The following AGFG2 variants were observed in gnomAD, a reference collection of about 807,000 sequenced individuals.
The protein encoded by AGFG2 is arf-GAP domain and FG repeat-containing protein 2.
AGFG2 carries 31 observed loss-of-function variants against 48.0 expected under a neutral mutation model. The ratio of observed to expected loss-of-function variants is 0.65; its 90% CI spans 0.49 to 0.87. The LOEUF is 0.87. Ranked by LOEUF, AGFG2 falls within the 40% of genes least tolerant of loss-of-function variation. The probability of loss-of-function intolerance (pLI) is 0.00; values close to 1 mark genes in which losing one functional copy is unlikely to be tolerated. For synonymous variants in AGFG2, 229 were observed against 260.8 expected, an observed-to-expected ratio of 0.88 and a Z score of 1.18; for missense variants, 599 against 632.6, an observed-to-expected ratio of 0.95 and a Z score of 0.57.
intron 3 of AGFG2, among the ~76,000 whole-genome samples, chr7:100,551,872 A>C (rs1163565954): frequency 8.4e-6 from 1 of 119,194 alleles, no homozygotes; most frequent in Admixed American, 8.8e-5. Flanking sequence ...GGGCAAAGAG[A>C]GAGAGACTGT....
At chr7:100,557,033 A>G (rs966199292) in intron 6 of AGFG2, among the ~76,000 whole-genome samples, 1 of 151,962 alleles carries the variant, frequency 6.6e-6, no homozygotes, top group Admixed American at 6.6e-5. Context: ...CACCGTCTCT[A>G]CTCAAAATAC....
intron 9 of AGFG2, among the ~76,000 whole-genome samples, chr7:100,563,609 C>T (rs1264768799): frequency 2.0e-5 from 3 of 152,200 alleles, no homozygotes; most frequent in Non-Finnish European, 2.9e-5. Context: ...GCACCGCGCC[C>T]GTGCCTGGAA....
chr7:100,561,724 C>G (rs2131123350), intron 6 of AGFG2, among the ~76,000 whole-genome samples: 1 of 152,346 alleles, frequency 6.6e-6, no homozygotes, highest in East Asian at 1.9e-4. Context: ...AACAGTGCCT[C>G]CAGGCTCAGG....
At chr7:100,546,534 G>C (rs1203033701) in intron 1 of AGFG2, among the ~76,000 whole-genome samples, 3 of 152,142 alleles carry the variant, frequency 2.0e-5, no homozygotes, top group Admixed American at 1.3e-4. Context: ...CAGGCTTCCT[G>C]GGTTCTTCTT....
Position 100,539,223 on chromosome 7 carries a change from G to C in AGFG2, c.-124G>C. 9.8e-7 allele frequency: 1 copy of C among 1,017,642 alleles called. No homozygotes were observed. Among genetic ancestry groups the C allele is most frequent in the Non-Finnish European group, 1.3e-6 (1 of 781,886 alleles). The allele number at this position is 1,017,642 out of a possible 1,614,324, so 63.0% of individuals were successfully genotyped here. ...AGGGTGGTGGACGGCGAAGTCTCCT[G>C]CGGATGCCGCCCGCTCCCGAGCTTC... is the stretch of plus-strand genomic sequence containing the variant. On this transcript the variant is annotated 5_prime_UTR_variant, in exon 1 of 12. Coordinates refer to ENST00000300176, the MANE Select transcript of AGFG2 (RefSeq NM_006076.5).
chr7:100,556,210 GA>G (rs1364948053), intron 6 of AGFG2: 1 of 200,254 alleles, frequency 5.0e-6, no homozygotes, highest in Admixed American at 5.3e-5. Context: ...AACACTTTGG[GA>G]GGCCGAGGTG....
Position 100,563,848 on chromosome 7 carries a change from A to G in AGFG2, c.1186A>G (p.Met396Val). 1.9e-6 allele frequency: 3 copies of G among 1,611,424 alleles called. No homozygotes were observed. The highest frequency in any genetic ancestry group is 2.5e-6 in the Non-Finnish European group (3 of 1,179,958). ...NGLAPGPGFG[M>V]SSAGPGFPQA... Reference sequence around the variant, plus strand: ...TCACTCCATAGGGCCCGGCTTTGGGATGAGCAGTGCTGGGCCTGGCTTCCC... The same window carrying G: ...TCACTCCATAGGGCCCGGCTTTGGGGTGAGCAGTGCTGGGCCTGGCTTCCC... Residue 396 changes from methionine (M) to valine (V), a missense_variant, in exon 10 of 12, where the codon ATG becomes GTG. Transcript: ENST00000300176.
chr7:100,556,541 CTT>C (rs1459671802), intron 6 of AGFG2: 1 of 1,276,818 alleles, frequency 7.8e-7, no homozygotes, highest in Non-Finnish European at 1.0e-6. Flanking sequence ...GACATACACT[CTT>C]TCTTTCTCCC....
intron 3 of AGFG2, 95 bp from the exon 4 acceptor site, chr7:100,553,252 A>G: frequency 6.8e-7 from 1 of 1,463,072 alleles, no homozygotes; most frequent in Non-Finnish European, 9.4e-7. Context: ...AAAAATGAGC[A>G]TAGATTTTGA....
chr7:100,565,904 T>C lies in AGFG2; in HGVS notation c.*913T>C, dbSNP rs980213897. 27 of 151,582 alleles carry C rather than the reference T, an allele frequency of 1.8e-4. No homozygotes were observed. Among genetic ancestry groups the C allele is most frequent in the Non-Finnish European group, 1.9e-4 (13 of 67,770 alleles). 9.4% of individuals were successfully genotyped at this position (151,582 alleles called of 1,614,324 possible). On this transcript the variant is annotated 3_prime_UTR_variant, in exon 12 of 12. Coordinates refer to ENST00000300176, the MANE Select transcript of AGFG2 (RefSeq NM_006076.5). ...ATTGCCTGGTCTTTTTTTTTTTTTT[T>C]TTTTCTCCATGTGCCTCCCTGTCCC... is the stretch of plus-strand genomic sequence containing the variant.
chr7:100,558,757 TG>T (rs1800809204), intron 6 of AGFG2, among the ~76,000 whole-genome samples: 1 of 152,044 alleles, frequency 6.6e-6, no homozygotes, highest in South Asian at 2.1e-4. Context: ...AGACAGTTTT[TG>T]GGGCAGACTC....
chr7:100,563,800 A>G (rs1346341956), intron 9 of AGFG2, 34 bp from the exon 10 acceptor site: 1 of 1,608,218 alleles, frequency 6.2e-7, no homozygotes, highest in Non-Finnish European at 8.5e-7. Context: ...ACCTTCCAGA[A>G]GTTCACCTGA....
intron 6 of AGFG2, among the ~76,000 whole-genome samples, chr7:100,558,545 GTTTTTTTT>G (rs36124305): frequency 7.4e-6 from 1 of 135,476 alleles, no homozygotes; most frequent in African/African-American, 2.7e-5. Flanking sequence ...TTTTGTTTTT[GTTTTTTTT>G]TTTTTTTAGA....
intron 1 of AGFG2, 107 bp downstream of exon 1, chr7:100,539,674 G>T: frequency 1.1e-6 from 1 of 935,808 alleles, no homozygotes; most frequent in Non-Finnish European, 1.4e-6. Context: ...GGTGAGGGGC[G>T]GAGGGGAGGT....
intron 5 of AGFG2, 80 bp downstream of exon 5, chr7:100,554,338 T>C (rs1048589222): frequency 6.6e-5 from 98 of 1,489,424 alleles, no homozygotes; most frequent in Non-Finnish European, 8.6e-5. Context: ...GAGGTAACCA[T>C]GGCTCTAGAT....
Position 100,563,852 on chromosome 7 carries a change from G to A in AGFG2, c.1190G>A (p.Ser397Asn), listed in dbSNP as rs1409243208. The A allele has an allele frequency of 6.2e-7, 1 of 1,611,396 alleles. No individual in the cohort carries two copies. The highest frequency in any genetic ancestry group is 1.3e-5 in the African/African-American group (1 of 74,960). Residue 397 changes from serine to asparagine, a missense_variant, in exon 10 of 12, where the codon AGC becomes AAC. Coordinates refer to ENST00000300176, the MANE Select transcript of AGFG2 (RefSeq NM_006076.5). ...TCCATAGGGCCCGGCTTTGGGATGA[G>A]CAGTGCTGGGCCTGGCTTCCCCCAG... Reference protein sequence around the residue: ...GLAPGPGFGMSSAGPGFPQAV... With the variant: ...GLAPGPGFGMNSAGPGFPQAV...
At chr7:100,549,943 C>T (rs1315198851) in intron 2 of AGFG2, among the ~76,000 whole-genome samples, 3 of 152,182 alleles carry the variant, frequency 2.0e-5, no homozygotes, top group Non-Finnish European at 2.9e-5. Flanking sequence ...CCACCCACCT[C>T]GGCCTTTCAA....
chr7:100,548,215 G>A (rs1265861208), intron 1 of AGFG2, among the ~76,000 whole-genome samples: 2 of 152,100 alleles, frequency 1.3e-5, no homozygotes, highest in Non-Finnish European at 2.9e-5. Context: ...GCTTCTGGAT[G>A]GGCAGGCTCT....
chr7:100,548,725 ATTC>A, intron 1 of AGFG2, 94 bp from the exon 2 acceptor site: 2 of 859,992 alleles, frequency 2.3e-6, no homozygotes, highest in Non-Finnish European at 3.9e-6. Context: ...TTTATATGCT[ATTC>A]TTTCACCCTT....
Sources: gnomAD v4.1 joint callset for allele counts (sites outside exome capture counted in the v4.1 genomes callset) on GRCh38, gnomAD v4.1.1 for gene constraint, MANE v1.5 for transcripts, NCBI Gene and HGNC (gene_info 2026-07-23, HGNC 2026-07-21) for gene names.